Variants in IPO11 observed in about 807,000 individuals in gnomAD.
The protein encoded by IPO11 is importin-11.
IPO11 carries 66 observed loss-of-function variants against 143.2 expected under a neutral mutation model. The ratio of observed to expected loss-of-function variants is 0.46; its 90% CI spans 0.38 to 0.57. The LOEUF (loss-of-function observed/expected upper bound fraction) is 0.57. Among genes scored for constraint, IPO11 ranks in the 20% least tolerant of loss-of-function variants. IPO11 has a pLI of 0.00. For missense variants in IPO11, 1,026 were observed against 1,141.0 expected, an observed-to-expected ratio of 0.90 and a Z score of 1.45; for synonymous variants, 385 against 377.8, an observed-to-expected ratio of 1.02 and a Z score of -0.22.
intron 24 of IPO11, among the ~76,000 whole-genome samples, chr5:62,542,639 A>T (rs1433836491): frequency 6.6e-6 from 1 of 152,224 alleles, no homozygotes; most frequent in Non-Finnish European, 1.5e-5. Context: ...ATGTTAGGAA[A>T]ATTGGATAGA....
At chr5:62,553,931 A>G (rs1458141617) in intron 26 of IPO11, among the ~76,000 whole-genome samples, 1 of 151,852 alleles carries the variant, frequency 6.6e-6, no homozygotes, top group Non-Finnish European at 1.5e-5. Context: ...GGATTTCACC[A>G]TGTTGGCCAG....
intron 22 of IPO11, among the ~76,000 whole-genome samples, chr5:62,533,070 G>A (rs1639217470): frequency 6.6e-6 from 1 of 152,114 alleles, no homozygotes; most frequent in African/African-American, 2.4e-5. Flanking sequence ...ATTGTGGTAT[G>A]TGTATTTACA....
Position 62,561,181 on chromosome 5 carries a change from A to G in IPO11, c.2506A>G (p.Met836Val). 6.2e-7 allele frequency: 1 copy of G among 1,610,784 alleles called. No individual in the cohort carries two copies. Among genetic ancestry groups the G allele is most frequent in the Non-Finnish European group, 8.5e-7 (1 of 1,178,384 alleles). ...TATGATTGAAATGTGGGTTGATCGA[A>G]TGGACAACATTACCCAGCCTGAAAG... Reference protein sequence around the residue: ...GNMIEMWVDRMDNITQPERRK... With the variant: ...GNMIEMWVDRVDNITQPERRK... Residue 836 changes from methionine to valine, a missense_variant, in exon 27 of 30, where the codon ATG (methionine) becomes GTG (valine). Met to Val is a conservative substitution (Grantham distance 21). This residue lies in a region of IPO11 where 351 missense variants were observed against 358.9 expected (regional missense o/e 0.98). Transcript: ENST00000325324.
intron 29 of IPO11, among the ~76,000 whole-genome samples, chr5:62,604,944 A>ATAAGTAAT (rs1745651778): frequency 6.6e-6 from 1 of 152,202 alleles, no homozygotes; most frequent in Admixed American, 6.5e-5. Context: ...GTATTTTTTC[A>ATAAGTAAT]GTAATTACGT....
Position 62,627,139 on chromosome 5 carries a change from C to T in IPO11, c.2764-15C>T, listed in dbSNP as rs776718869. ...TTGCTTTTTTGACAGTCTTGCTCCT[C>T]TCTGTATCCCACAGCTGGCCCTGAA... On this transcript the variant is annotated splice_polypyrimidine_tract_variant and intron_variant, in intron 29 of 29. Coordinates refer to ENST00000325324, the MANE Select transcript of IPO11 (RefSeq NM_016338.5). The T allele has an allele frequency of 1.7e-5, 27 of 1,609,862 alleles. No homozygotes were observed. The highest frequency in any genetic ancestry group is 2.1e-5 in the Non-Finnish European group (25 of 1,177,344).
chr5:62,487,652 A>T (rs1447486586), intron 12 of IPO11, 119 bp from the exon 13 acceptor site: 1 of 1,115,438 alleles, frequency 9.0e-7, no homozygotes, highest in African/African-American at 1.6e-5. Flanking sequence ...TAACAAATCA[A>T]AAGTTGGAAA....
At chr5:62,514,278 C>T (rs559110653) in intron 19 of IPO11, among the ~76,000 whole-genome samples, 1 of 152,224 alleles carries the variant, frequency 6.6e-6, no homozygotes, top group Admixed American at 6.5e-5. Context: ...CGAGATCATG[C>T]CACTGCACTC....
intron 1 of IPO11, among the ~76,000 whole-genome samples, chr5:62,435,212 G>GTA (rs70981007): frequency 0.016 from 1,236 of 79,636 alleles, 70 homozygotes; most frequent in South Asian, 0.036. Flanking sequence ...ATATATATGT[G>GTA]TATATATATA....
chr5:62,544,055 C>T (rs1743057977), intron 24 of IPO11, among the ~76,000 whole-genome samples: 1 of 151,940 alleles, frequency 6.6e-6, no homozygotes, highest in South Asian at 2.1e-4. Flanking sequence ...GTCTGAGAGA[C>T]AGTCTCCAAT....
intron 27 of IPO11, 34 bp downstream of exon 27, chr5:62,561,291 C>CGGCCGGACGCGGTGGCTCACGCCTGT: frequency 7.8e-7 from 1 of 1,278,572 alleles, no homozygotes; most frequent in Admixed American, 2.2e-5. Flanking sequence ...TTGTTTCTTT[C>CGGCCGGACGCGGTGGCTCACGCCTGT]AAGCATCAAA....
At chr5:62,474,602 TAGAG>T (rs1199575421) in intron 8 of IPO11, 138 bp downstream of exon 8, 1 of 653,096 alleles carries the variant, frequency 1.5e-6, no homozygotes, top group Non-Finnish European at 2.6e-6. Context: ...CTTATAAATC[TAGAG>T]AAAGTGTCTT....
intron 19 of IPO11, among the ~76,000 whole-genome samples, chr5:62,511,325 A>C (rs1362630921): frequency 1.3e-5 from 2 of 152,136 alleles, no homozygotes; most frequent in Non-Finnish European, 2.9e-5. Context: ...ATACTTTGTA[A>C]TCTGTTTTTA....
At chr5:62,494,224 T>C (rs1437686210) in intron 16 of IPO11, 100 bp downstream of exon 16, 17 of 1,087,700 alleles carry the variant, frequency 1.6e-5, no homozygotes, top group Non-Finnish European at 2.2e-5. Flanking sequence ...ATGATGTTTA[T>C]GGCCTTTCAC....
intron 1 of IPO11, among the ~76,000 whole-genome samples, chr5:62,426,479 C>G (rs920085907): frequency 3.9e-5 from 6 of 152,134 alleles, no homozygotes; most frequent in African/African-American, 1.4e-4. Flanking sequence ...CATGAGAGTG[C>G]AGTTATTGAC....
chr5:62,416,561 C>A (rs1743300756), intron 1 of IPO11, among the ~76,000 whole-genome samples: 1 of 152,046 alleles, frequency 6.6e-6, no homozygotes, highest in Non-Finnish European at 1.5e-5. Flanking sequence ...TCTTAATCAC[C>A]TTAAAAACTT....
Position 62,550,422 on chromosome 5 carries a change from C to T in IPO11, c.2306C>T (p.Pro769Leu), listed in dbSNP as rs754837537. Residue 769 changes from proline to leucine, a missense_variant, in exon 25 of 30, where the codon CCG (proline) becomes CTG (leucine). This residue lies in a region of IPO11 where 351 missense variants were observed against 358.9 expected (regional missense o/e 0.98). Transcript: ENST00000325324. ...NPILGPQMFQ[P>L]ILPYVFKGII... Reference sequence around the variant, plus strand: ...ATACTAGGTCCACAAATGTTTCAACCGATTTTACCCTATGTTTTCAAGGGT... The same window carrying T: ...ATACTAGGTCCACAAATGTTTCAACTGATTTTACCCTATGTTTTCAAGGGT... 1.6e-5 allele frequency: 25 copies of T among 1,612,620 alleles called. No homozygotes were observed. The highest frequency in any genetic ancestry group is 4.5e-5 in the East Asian group (2 of 44,802).
chr5:62,452,900 A>C (rs967262258), intron 5 of IPO11, among the ~76,000 whole-genome samples: 5 of 150,614 alleles, frequency 3.3e-5, no homozygotes, highest in African/African-American at 1.3e-4. Flanking sequence ...CTACAGGTAC[A>C]TGCCACCATG....
At position 62,607,384 on chromosome 5, in the gene IPO11, ACT is replaced by A. The variant is rs923614798; in HGVS notation, c.2763+5543_2763+5544del. On this transcript the variant is annotated intron_variant, in intron 29 of 29. Coordinates refer to ENST00000325324, the MANE Select transcript of IPO11 (RefSeq NM_016338.5). The stretch of plus-strand genomic sequence containing the variant: ...AGTGGCTTGGGGTGGGAGTTTTTAA[ACT>A]CTCTCTGGATGATTTTGACCACTGA... Among the ~76,000 whole-genome samples, 9 of 151,718 alleles carry A rather than the reference ACT, an allele frequency of 5.9e-5. No individual in the cohort carries two copies. The East Asian group carries it at 1.6e-3, about 26-fold the overall frequency.
chr5:62,456,701 A>C (rs542912205), intron 5 of IPO11, among the ~76,000 whole-genome samples: 1 of 152,366 alleles, frequency 6.6e-6, no homozygotes, highest in East Asian at 1.9e-4. Context: ...ACTGTGTACA[A>C]GAGATATGTA....
Sources: allele counts gnomAD v4.1 joint callset (sites outside exome capture counted in the v4.1 genomes callset), GRCh38; gene constraint gnomAD v4.1.1; regional missense constraint gnomAD v4.1.1; transcripts MANE v1.5; gene names NCBI Gene and HGNC (gene_info 2026-07-23, HGNC 2026-07-21).